The following ECRG4 variants were observed in gnomAD, a reference collection of about 807,000 sequenced individuals.
ECRG4 encodes the protein ECRG4 augurin precursor, also known as augurin.
Under a neutral mutation model 15.8 loss-of-function variants are expected in ECRG4, and 18 were observed. The observed-to-expected ratio is 1.14, with a 90% CI of 0.79 to 1.69. The LOEUF (loss-of-function observed/expected upper bound fraction) is 1.69, where lower values mean the gene tolerates loss of function less well. ECRG4 is among the 40% of genes most tolerant of loss of function. The pLI, the probability that ECRG4 is intolerant of heterozygous loss-of-function variation, is 0.00. For synonymous variants in ECRG4, 82 were observed against 73.9 expected, an observed-to-expected ratio of 1.11 and a Z score of -0.56; for missense variants, 200 against 190.9, an observed-to-expected ratio of 1.05 and a Z score of -0.28.
intron 1 of ECRG4, among the ~76,000 whole-genome samples, chr2:106,066,617 A>G (rs1448880173): frequency 6.6e-6 from 1 of 152,180 alleles, no homozygotes; most frequent in African/African-American, 2.4e-5. Context: ...TTTGAAGCTT[A>G]CAACTAGGGG....
At chr2:106,065,971 C>A (rs1676205732) in intron 1 of ECRG4, 128 bp downstream of exon 1, 1 of 806,538 alleles carries the variant, frequency 1.2e-6, no homozygotes, top group Non-Finnish European at 1.8e-6. Context: ...TTAGCCTAGG[C>A]AGGGCCAAGG....
intron 3 of ECRG4, chr2:106,074,350 A>T (rs752856848): frequency 4.3e-5 from 12 of 280,312 alleles, no homozygotes; most frequent in Non-Finnish European, 8.2e-5. Flanking sequence ...TTGGCTGAAC[A>T]GTTTTGCCAG....
intron 1 of ECRG4, among the ~76,000 whole-genome samples, chr2:106,067,831 TC>T (rs1411114500): frequency 6.8e-6 from 1 of 148,002 alleles, no homozygotes; most frequent in Non-Finnish European, 1.5e-5. Context: ...TTATGCCACC[TC>T]CAAACTTTTT....
chr2:106,077,971 T>C lies in ECRG4; in HGVS notation c.*45T>C. 1 of 1,575,712 alleles carries C rather than the reference T, an allele frequency of 6.3e-7. No individual in the cohort carries two copies. The highest frequency in any genetic ancestry group is 1.1e-5 in the South Asian group (1 of 87,350). ...GTACAAGAAGCAAATAGCGATTCTC[T>C]TCATGTATCTCCTAATGCCTTACAC... On this transcript the variant is annotated 3_prime_UTR_variant, in exon 4 of 4. Transcript: ENST00000238044.
In ECRG4 at chr2:106,077,836, CCAA is replaced by C. The variant is rs761339700; in HGVS notation, c.359_361del (p.Gln120del). 9.9e-6 allele frequency: 16 copies of C among 1,614,124 alleles called. No homozygotes were observed. The highest frequency in any genetic ancestry group is 1.3e-5 in the Non-Finnish European group (15 of 1,180,006). On this transcript the variant is annotated inframe_deletion, in exon 4 of 4. Transcript: ENST00000238044. ...GACATGAATACTATGGCGATTACTA[CCAA>C]CGTCACTATGATGAAGACTCTGCAA...
chr2:106,071,091 G>C (rs1016573496), intron 1 of ECRG4: 2 of 461,184 alleles, frequency 4.3e-6, no homozygotes, highest in Non-Finnish European at 9.0e-6. Flanking sequence ...AATCATACTT[G>C]ATTTTAGGGT....
intron 1 of ECRG4, among the ~76,000 whole-genome samples, chr2:106,067,036 G>T (rs1288123350): frequency 7.7e-6 from 1 of 130,332 alleles, no homozygotes; most frequent in Non-Finnish European, 1.6e-5. Flanking sequence ...GTTCATACCT[G>T]TAATCCCAGC....
Position 106,073,968 on chromosome 2 carries a change from G to A in ECRG4, c.210G>A (p.Arg70=). 2 of 1,614,224 alleles carry A rather than the reference G, an allele frequency of 1.2e-6. No homozygotes were observed. Among genetic ancestry groups the A allele is most frequent in the Non-Finnish European group, 1.7e-6 (2 of 1,180,040 alleles). The change falls in exon 3 of 4, where the codon CGG becomes CGA. Residue 70 remains arginine, a synonymous_variant. Transcript: ENST00000238044. The part of the protein sequence containing the change: ...EFLGSLKRQK[R]QLWDRTRPEV... The stretch of plus-strand genomic sequence containing the variant: ...TTGGCAGCCTGAAGCGCCAGAAGCG[G>A]CAGCTGTGGGACCGGACTCGGCCCG...
Position 106,073,889 on chromosome 2 carries a change from C to T in ECRG4, c.131C>T (p.Pro44Leu). Residue 44 changes from proline (P) to leucine (L), a missense_variant, in exon 3 of 4, where the codon CCT (proline) becomes CTT (leucine). Transcript: ENST00000238044. Reference sequence around the variant, plus strand: ...GATGGGGAATTGATGATTTCAGCACCTGTTCCAACTAAGACTAAAGTGGCC... The same window carrying T: ...GATGGGGAATTGATGATTTCAGCACTTGTTCCAACTAAGACTAAAGTGGCC... ...LKLMLQKREA[P>L]VPTKTKVAVD... is the part of the protein sequence containing the mutation. 6.2e-7 allele frequency: 1 copy of T among 1,614,058 alleles called. No homozygotes were observed. The highest frequency in any genetic ancestry group is 2.2e-5 in the East Asian group (1 of 44,880).
upstream of ECRG4, among the ~76,000 whole-genome samples, chr2:106,065,296 G>A (rs1017155191): frequency 6.6e-6 from 1 of 151,494 alleles, no homozygotes; most frequent in Non-Finnish European, 1.5e-5. Flanking sequence ...GCTGGGGCGG[G>A]CGGAGGAAGT....
In ECRG4 at chr2:106,065,758, C is replaced by T. The variant is rs1275324039; in HGVS notation, c.-7C>T. ...GCCCCTCGCCCTCCTGCTCGCGCCCCGCCGCCATGGCTGCCTCCCCCGCGC... is the reference window on the plus strand; with the variant it reads ...GCCCCTCGCCCTCCTGCTCGCGCCCTGCCGCCATGGCTGCCTCCCCCGCGC... On this transcript the variant is annotated 5_prime_UTR_variant, in exon 1 of 4. Coordinates refer to ENST00000238044, the MANE Select transcript of ECRG4 (RefSeq NM_032411.3). 9 of 1,479,518 alleles carry T rather than the reference C, an allele frequency of 6.1e-6. No homozygotes were observed. Among genetic ancestry groups the T allele is most frequent in the Non-Finnish European group, 6.2e-6 (7 of 1,122,200 alleles). 91.6% of individuals were successfully genotyped at this position (1,479,518 alleles called of 1,614,324 possible). A position where few individuals can be genotyped will look rare whatever the true frequency, so the allele number is the denominator to read the frequency against.
chr2:106,069,922 C>A (rs1391565840), intron 1 of ECRG4, among the ~76,000 whole-genome samples: 2 of 152,160 alleles, frequency 1.3e-5, no homozygotes, highest in Admixed American at 6.5e-5. Flanking sequence ...TCACTATAGA[C>A]CGACTTGAGC....
At chr2:106,067,402 G>A (rs553692181) in intron 1 of ECRG4, among the ~76,000 whole-genome samples, 1 of 152,240 alleles carries the variant, frequency 6.6e-6, no homozygotes, top group Admixed American at 6.5e-5. Context: ...ATTTTATTTA[G>A]TTTATACCAA....
chr2:106,066,951 C>G (rs1676227384), intron 1 of ECRG4, among the ~76,000 whole-genome samples: 1 of 150,762 alleles, frequency 6.6e-6, no homozygotes, highest in Non-Finnish European at 1.5e-5. Context: ...TCAGTCATTT[C>G]CCGTTGTATG....
At chr2:106,067,072 G>GT (rs1676238505) in intron 1 of ECRG4, among the ~76,000 whole-genome samples, 1 of 95,506 alleles carries the variant, frequency 1.0e-5, no homozygotes, top group South Asian at 4.2e-4. Context: ...GGGGGGGGGG[G>GT]GGGCAGATCA....
At position 106,065,774 on chromosome 2, in the gene ECRG4, T is replaced by C. The variant is rs1558654422; in HGVS notation, c.10T>C (p.Ser4Pro). 1 of 1,482,168 alleles carries C rather than the reference T, an allele frequency of 6.7e-7. No homozygotes were observed. The highest frequency in any genetic ancestry group is 2.3e-5 in the Admixed American group (1 of 43,354). The allele number at this position is 1,482,168 out of a possible 1,614,324, so 91.8% of individuals were successfully genotyped here. A position where few individuals can be genotyped will look rare whatever the true frequency, so the allele number is the denominator to read the frequency against. Residue 4 changes from serine to proline, a missense_variant, in exon 1 of 4, where the codon TCC (serine) becomes CCC (proline). Coordinates refer to ENST00000238044, the MANE Select transcript of ECRG4 (RefSeq NM_032411.3). The stretch of plus-strand genomic sequence containing the variant: ...CTCGCGCCCCGCCGCCATGGCTGCC[T>C]CCCCCGCGCGGCCTGCTGTCCTGGC... MAASPARPAVLALT... is the reference protein window; with the variant it reads MAAPPARPAVLALT...
Position 106,065,768 on chromosome 2 carries a change from G to C in ECRG4, c.4G>C (p.Ala2Pro). The C allele has an allele frequency of 6.8e-7, 1 of 1,481,172 alleles. No individual in the cohort carries two copies. The highest frequency in any genetic ancestry group is 8.9e-7 in the Non-Finnish European group (1 of 1,122,676). The allele number at this position is 1,481,172 out of a possible 1,614,324, so 91.8% of individuals were successfully genotyped here. MAASPARPAVLA... is the reference protein window; with the variant it reads MPASPARPAVLA... The stretch of plus-strand genomic sequence containing the variant: ...CTCCTGCTCGCGCCCCGCCGCCATG[G>C]CTGCCTCCCCCGCGCGGCCTGCTGT... The change falls in exon 1 of 4, where the codon GCT becomes CCT. Residue 2 changes from alanine (A) to proline (P), a missense_variant. By Grantham distance (27) the Ala-to-Pro change is conservative. Transcript: ENST00000238044.
chr2:106,063,741 C>A (rs1353039212), upstream of ECRG4, among the ~76,000 whole-genome samples: 1 of 152,164 alleles, frequency 6.6e-6, no homozygotes, highest in Non-Finnish European at 1.5e-5. Flanking sequence ...CACCACCACG[C>A]CTGGCTAATT....
chr2:106,070,961 G>A, intron 1 of ECRG4: 1 of 471,402 alleles, frequency 2.1e-6, no homozygotes, highest in Non-Finnish European at 4.4e-6. Flanking sequence ...AGGTCTGCAA[G>A]CCAGTTCGCT....
Sources: allele counts gnomAD v4.1 joint callset (sites outside exome capture counted in the v4.1 genomes callset), GRCh38; gene constraint gnomAD v4.1.1; transcripts MANE v1.5; gene names NCBI Gene and HGNC (gene_info 2026-07-23, HGNC 2026-07-21).